Variants in VWA3B observed in about 807,000 individuals in gnomAD.
VWA3B encodes von Willebrand factor A domain-containing protein 3B.
Under a neutral mutation model 158.3 loss-of-function variants are expected in VWA3B, and 138 were observed. The ratio of observed to expected loss-of-function variants is 0.87; its 90% CI spans 0.76 to 1.00. VWA3B has a LOEUF of 1.00. VWA3B is among the 50% of genes least tolerant of loss of function. VWA3B has a pLI of 0.00. For synonymous variants in VWA3B, 596 were observed against 587.3 expected (o/e 1.01, Z -0.21); for missense variants, 1,555 against 1,565.1 (o/e 0.99, Z 0.11).
chr2:98,135,901 T>A (rs1456687834), intron 7 of VWA3B, among the ~76,000 whole-genome samples: 1 of 152,220 alleles, frequency 6.6e-6, no homozygotes, highest in African/African-American at 2.4e-5. Context: ...TCCCTTTACC[T>A]GATCACATCT....
At chr2:98,168,171 A>G (rs1408827572) in intron 8 of VWA3B, among the ~76,000 whole-genome samples, 1 of 152,204 alleles carries the variant, frequency 6.6e-6, no homozygotes, top group African/African-American at 2.4e-5. Context: ...CAGACATTAG[A>G]AATGGCAGAA....
intron 7 of VWA3B, among the ~76,000 whole-genome samples, chr2:98,153,806 T>C (rs1677834867): frequency 6.6e-6 from 1 of 152,218 alleles, no homozygotes; most frequent in East Asian, 1.9e-4. Context: ...GCTGAGAGAC[T>C]TTAATTCCCT....
intron 9 of VWA3B, among the ~76,000 whole-genome samples, chr2:98,183,231 G>T (rs1680743027): frequency 6.8e-6 from 1 of 147,346 alleles, no homozygotes; most frequent in African/African-American, 2.5e-5. Context: ...ATGAGAAAGG[G>T]ACAGTTTTAT....
At chr2:98,253,776 A>G (rs1281320381) in intron 20 of VWA3B, among the ~76,000 whole-genome samples, 1 of 152,134 alleles carries the variant, frequency 6.6e-6, no homozygotes, top group East Asian at 1.9e-4. Context: ...GCAATCCCTT[A>G]GCCAAATTTC....
intron 8 of VWA3B, chr2:98,179,451 G>A (rs1680287518): frequency 2.4e-6 from 1 of 421,522 alleles, no homozygotes; most frequent in African/African-American, 2.0e-5. Flanking sequence ...AGTTGTCCTA[G>A]ATAGGGCACA....
At chr2:98,300,364 G>C (rs1341168337) in intron 25 of VWA3B, 148 bp downstream of exon 25, 6 of 1,191,380 alleles carry the variant, frequency 5.0e-6, no homozygotes. Flanking sequence ...TGCCCACCGT[G>C]CCACACAGAC....
intron 25 of VWA3B, 134 bp from the exon 26 acceptor site, chr2:98,303,568 C>A: frequency 1.3e-6 from 1 of 763,560 alleles, no homozygotes; most frequent in East Asian, 2.8e-5. Context: ...TGAATTTGAA[C>A]TACTCTTTTA....
At chr2:98,247,983 A>G (rs1015656242) in intron 19 of VWA3B, among the ~76,000 whole-genome samples, 5 of 152,110 alleles carry the variant, frequency 3.3e-5, no homozygotes, top group African/African-American at 4.8e-5. Flanking sequence ...GAAAGTCTGC[A>G]GTACTATCTA....
At chr2:98,203,723 T>C (rs1232323760) in intron 12 of VWA3B, among the ~76,000 whole-genome samples, 3 of 152,238 alleles carry the variant, frequency 2.0e-5, no homozygotes, top group African/African-American at 4.8e-5. Context: ...TTTTCACCTA[T>C]TTGTTGTCAG....
At chr2:98,153,945 TC>T in intron 7 of VWA3B, among the ~76,000 whole-genome samples, 1 of 152,290 alleles carries the variant, frequency 6.6e-6, no homozygotes, top group Non-Finnish European at 1.5e-5. Flanking sequence ...CACTGCAACC[TC>T]TGCTTCCAGG....
At chr2:98,249,710 A>G (rs979116416) in intron 19 of VWA3B, among the ~76,000 whole-genome samples, 1 of 152,170 alleles carries the variant, frequency 6.6e-6, no homozygotes, top group African/African-American at 2.4e-5. Flanking sequence ...AGCCTCATTT[A>G]TTGATCACTA....
intron 22 of VWA3B, among the ~76,000 whole-genome samples, chr2:98,276,396 T>G (rs950454343): frequency 6.6e-6 from 1 of 152,222 alleles, no homozygotes; most frequent in African/African-American, 2.4e-5. Context: ...GAGATGCAAG[T>G]CATTTTTCCT....
At chr2:98,236,512 A>G in intron 18 of VWA3B, 35 bp downstream of exon 18, 1 of 1,614,020 alleles carries the variant, frequency 6.2e-7, no homozygotes, top group Non-Finnish European at 8.5e-7. Context: ...CAGTTCTGTT[A>G]TGCTTCTGTT....
At chr2:98,145,350 A>C (rs1428743541) in intron 7 of VWA3B, among the ~76,000 whole-genome samples, 1 of 152,208 alleles carries the variant, frequency 6.6e-6, no homozygotes, top group Admixed American at 6.5e-5. Context: ...AATCTTCATA[A>C]CATACCCCCA....
chr2:98,194,581 T>G, intron 12 of VWA3B, 89 bp downstream of exon 12: 2 of 1,477,298 alleles, frequency 1.4e-6, no homozygotes, highest in Non-Finnish European at 1.8e-6. Context: ...TCCTGAGAGG[T>G]GTTTTGCACT....
intron 19 of VWA3B, among the ~76,000 whole-genome samples, chr2:98,242,513 C>T (rs1413651501): frequency 2.0e-5 from 3 of 151,822 alleles, no homozygotes; most frequent in Non-Finnish European, 4.4e-5. Flanking sequence ...TTGGTCTGCA[C>T]CACTGGAGAG....
intron 2 of VWA3B, among the ~76,000 whole-genome samples, chr2:98,112,101 T>C (rs1043253103): frequency 1.3e-5 from 2 of 152,154 alleles, no homozygotes; most frequent in Admixed American, 6.6e-5. Flanking sequence ...TAGTGAAAGG[T>C]AGGGGTCCAG....
intron 8 of VWA3B, among the ~76,000 whole-genome samples, chr2:98,175,832 G>A (rs953128526): frequency 6.6e-6 from 1 of 152,208 alleles, no homozygotes; most frequent in Admixed American, 6.5e-5. Context: ...CAATGAATCC[G>A]TTTGGTAGAA....
At chr2:98,275,461 G>A (rs567384912) in intron 22 of VWA3B, among the ~76,000 whole-genome samples, 29 of 150,554 alleles carry the variant, frequency 1.9e-4, no homozygotes, top group Admixed American at 7.9e-4. Flanking sequence ...GATGAGGCCC[G>A]GGGTAGAGAG....
Sources: allele counts gnomAD v4.1 joint callset (sites outside exome capture counted in the v4.1 genomes callset), GRCh38; gene constraint gnomAD v4.1.1; transcripts MANE v1.5; gene names NCBI Gene and HGNC (gene_info 2026-07-23, HGNC 2026-07-21).